Variants in N4BP2L2 observed in about 807,000 individuals in gnomAD.
N4BP2L2 encodes NEDD4 binding protein 2 like 2, also known as NEDD4-binding protein 2-like 2.
A neutral mutation model predicts 56.2 loss-of-function variants in N4BP2L2; 50 were observed. The ratio of observed to expected loss-of-function variants is 0.89; its 90% confidence interval spans 0.71 to 1.13. The LOEUF (loss-of-function observed/expected upper bound fraction) is 1.13, where lower values mean the gene tolerates loss of function less well. Ranked by LOEUF, N4BP2L2 falls within the 50% of genes most tolerant of loss-of-function variation. N4BP2L2 has a pLI of 0.00. For synonymous variants in N4BP2L2, 203 were observed against 223.6 expected (o/e 0.91, Z 0.82); for missense variants, 689 against 693.8 (o/e 0.99, Z 0.08).
At chr13:32,473,477 T>C (rs2082696969) in intron 6 of N4BP2L2, among the ~76,000 whole-genome samples, 1 of 152,178 alleles carries the variant, frequency 6.6e-6, no homozygotes, top group East Asian at 1.9e-4. Flanking sequence ...TCATTTTCTA[T>C]TGCTGCTGTA....
chr13:32,491,483 T>C (rs1219246969), intron 6 of N4BP2L2, among the ~76,000 whole-genome samples: 1 of 149,820 alleles, frequency 6.7e-6, no homozygotes, highest in Admixed American at 6.7e-5. Context: ...AAAGTAGTTA[T>C]GTCAATAATC....
chr13:32,439,234 C>T (rs1394539716), intron 7 of N4BP2L2, among the ~76,000 whole-genome samples: 1 of 152,186 alleles, frequency 6.6e-6, no homozygotes, highest in Non-Finnish European at 1.5e-5. Flanking sequence ...ATAAAATATT[C>T]ATAAGCTTAT....
chr13:32,489,286 G>A (rs892675389), intron 6 of N4BP2L2, among the ~76,000 whole-genome samples: 3 of 152,088 alleles, frequency 2.0e-5, no homozygotes, highest in African/African-American at 4.8e-5. Context: ...GAATTTTTCC[G>A]TTTCTGTCAT....
chr13:32,477,758 G>T, intron 6 of N4BP2L2: 2 of 690,822 alleles, frequency 2.9e-6, no homozygotes, highest in Non-Finnish European at 4.2e-6. Flanking sequence ...AGTGGTAAAA[G>T]CTCTGTTCCA....
At chr13:32,535,773 A>C (rs2056405841) in exon 2 of N4BP2L2, 30 of 1,612,376 alleles carry the variant, frequency 1.9e-5, no homozygotes, top group Non-Finnish European at 2.5e-5. Flanking sequence ...ACTTACCGAG[A>C]CAATGTTGTT....
At chr13:32,520,838 A>G (rs1010705000) in intron 5 of N4BP2L2, among the ~76,000 whole-genome samples, 1 of 152,190 alleles carries the variant, frequency 6.6e-6, no homozygotes, top group Non-Finnish European at 1.5e-5. Flanking sequence ...TCCCTGACTC[A>G]TTTGGCAGCA....
At chr13:32,538,707 G>T in exon 1 of N4BP2L2, 2 of 985,420 alleles carry the variant, frequency 2.0e-6, no homozygotes, top group Non-Finnish European at 2.4e-6. Context: ...AAGAAAAGCG[G>T]AGACAGCACT....
chr13:32,469,674 C>G (rs193148250), intron 6 of N4BP2L2, among the ~76,000 whole-genome samples: 4 of 152,354 alleles, frequency 2.6e-5, no homozygotes, highest in African/African-American at 9.6e-5. Context: ...GACGAAGGAG[C>G]TGACACATTT....
At chr13:32,517,673 C>CA in exon 6 of N4BP2L2, 1 of 1,419,046 alleles carries the variant, frequency 7.0e-7, no homozygotes, top group Non-Finnish European at 9.2e-7. Flanking sequence ...GGAATTTAAA[C>CA]AACTTGCTGG....
At chr13:32,532,203 T>C (rs2055015745) in intron 2 of N4BP2L2, among the ~76,000 whole-genome samples, 1 of 152,234 alleles carries the variant, frequency 6.6e-6, no homozygotes, top group South Asian at 2.1e-4. Context: ...GGGTACATTA[T>C]TCAGCCTACC....
chr13:32,480,704 T>C, intron 6 of N4BP2L2: 1 of 970,232 alleles, frequency 1.0e-6, no homozygotes, highest in Non-Finnish European at 1.4e-6. Flanking sequence ...AACATCATCT[T>C]GTTCAAATCC....
At chr13:32,472,183 C>T (rs1160388373) in intron 6 of N4BP2L2, among the ~76,000 whole-genome samples, 2 of 152,226 alleles carry the variant, frequency 1.3e-5, no homozygotes, top group African/African-American at 2.4e-5. Flanking sequence ...GGACTGTTCA[C>T]ATCACAAGTG....
intron 5 of N4BP2L2, among the ~76,000 whole-genome samples, chr13:32,520,507 A>C (rs1566166699): frequency 6.6e-6 from 1 of 152,078 alleles, no homozygotes; most frequent in African/African-American, 2.4e-5. Flanking sequence ...AAATACAAAA[A>C]AATTAGCCGG....
intron 6 of N4BP2L2, among the ~76,000 whole-genome samples, chr13:32,498,762 G>C (rs898463616): frequency 2.6e-5 from 4 of 151,154 alleles, no homozygotes; most frequent in Non-Finnish European, 5.9e-5. Context: ...CAGCACTTTG[G>C]GAGGCTAAGG....
intron 5 of N4BP2L2, among the ~76,000 whole-genome samples, chr13:32,520,477 T>C (rs1251726036): frequency 6.6e-6 from 1 of 150,482 alleles, no homozygotes; most frequent in Non-Finnish European, 1.5e-5. Context: ...GCTAACACGG[T>C]GAAACCCCGT....
At chr13:32,494,071 G>C (rs969990699) in intron 6 of N4BP2L2, among the ~76,000 whole-genome samples, 11 of 152,102 alleles carry the variant, frequency 7.2e-5, no homozygotes, top group Non-Finnish European at 1.5e-4. Flanking sequence ...CCAGGAGTTT[G>C]AGAACAGCCT....
intron 6 of N4BP2L2, among the ~76,000 whole-genome samples, chr13:32,469,087 T>TC (rs907559812): frequency 5.3e-5 from 8 of 152,332 alleles, no homozygotes; most frequent in African/African-American, 1.9e-4. Context: ...ACTGCTACGG[T>TC]CCCCCGAGTG....
chr13:32,538,284 G>A (rs879273902), intron 1 of N4BP2L2, among the ~76,000 whole-genome samples: 2 of 149,964 alleles, frequency 1.3e-5, no homozygotes, highest in South Asian at 2.1e-4. Flanking sequence ...GCCTCCTCTC[G>A]GTTTCTCCTT....
exon 2 of N4BP2L2, chr13:32,536,187 G>A: frequency 6.2e-7 from 1 of 1,613,626 alleles, no homozygotes; most frequent in East Asian, 2.2e-5. Context: ...CTGGGAAGAG[G>A]GGGACCATAG....
Sources: gnomAD v4.1 joint callset for allele counts (sites outside exome capture counted in the v4.1 genomes callset) on GRCh38, gnomAD v4.1.1 for gene constraint, MANE v1.5 for transcripts, NCBI Gene and HGNC (gene_info 2026-07-23, HGNC 2026-07-21) for gene names.